AGO3: variants seen among roughly 807,000 people sequenced by gnomAD.
AGO3 encodes argonaute RISC catalytic component 3.
A neutral mutation model predicts 105.5 loss-of-function variants in AGO3; 16 were observed. The observed-to-expected ratio is 0.15, with a 90% CI of 0.10 to 0.23. The LOEUF (loss-of-function observed/expected upper bound fraction) is 0.23, where lower values mean the gene tolerates loss of function less well. AGO3 is among the 10% of genes least tolerant of loss of function. The probability of loss-of-function intolerance (pLI) is 1.00; values close to 1 mark genes in which losing one functional copy is unlikely to be tolerated. For missense variants in AGO3, 534 were observed against 1,088.0 expected (o/e 0.49, Z 7.16); for synonymous variants, 340 against 367.3 (o/e 0.93, Z 0.85).
chr1:36,036,306 G>C lies in AGO3; in HGVS notation c.1842+39G>C, dbSNP rs762014510. ...AGGTTTATCTTACCTAAGGTTGACA[G>C]ACCAGTATCAATTTTGCAGTTTCAA... On this transcript the variant is annotated intron_variant, in intron 14 of 18. Coordinates refer to ENST00000373191, the MANE Select transcript of AGO3 (RefSeq NM_024852.4). 4.5e-6 allele frequency: 7 copies of C among 1,562,764 alleles called. No homozygotes were observed. In the Admixed American group the frequency reaches 8.8e-5, roughly 20 times the overall value.
In AGO3 at chr1:35,973,512, G is replaced by A. The variant is rs2148776142; in HGVS notation, c.658+1G>A. 1 of 1,571,544 alleles carries A rather than the reference G, an allele frequency of 6.4e-7. No individual in the cohort carries two copies. The highest frequency in any genetic ancestry group is 8.7e-7 in the Non-Finnish European group (1 of 1,154,186). On this transcript the variant is annotated splice_donor_variant, in intron 5 of 18. Coordinates refer to ENST00000373191, the MANE Select transcript of AGO3 (RefSeq NM_024852.4). LOFTEE classifies it high-confidence loss of function. ...TGGAAAATGATGCTTAATATCGATGGTAAGGGAACTAAAGCCATATTCTGT... is the reference window on the plus strand; with the variant it reads ...TGGAAAATGATGCTTAATATCGATGATAAGGGAACTAAAGCCATATTCTGT...
chr1:36,029,722 TC>T lies in AGO3; in HGVS notation c.1591+2427del, dbSNP rs1266205200. 2.9e-5 allele frequency among the ~76,000 whole-genome samples: 4 copies of T among 139,646 alleles called. No homozygotes were observed. In the East Asian group the frequency reaches 9.8e-4, roughly 34 times the overall value. The allele number at this position is 139,646 out of a possible 152,430, so 91.6% of individuals were successfully genotyped here. A position where few individuals can be genotyped will look rare whatever the true frequency, so the allele number is the denominator to read the frequency against. On this transcript the variant is annotated intron_variant, in intron 12 of 18. Transcript: ENST00000373191. Reference sequence around the variant, plus strand: ...TTTTTTTTTTTTTTGAGACAGAGTCTCCCTCTGTTGCCCAGGCTGGAGTGCA... The same window carrying T: ...TTTTTTTTTTTTTTGAGACAGAGTCTCCTCTGTTGCCCAGGCTGGAGTGCA...
rs1390938267 is a variant in AGO3, at chr1:36,057,907, G to A, written c.*2162G>A. On this transcript the variant is annotated 3_prime_UTR_variant, in exon 19 of 19. Coordinates refer to ENST00000373191, the MANE Select transcript of AGO3 (RefSeq NM_024852.4). ...CAGGATTGCTTGAACCTAGGAGGCG[G>A]AAGTTACAGTGAGCCAAGACTGCAC... 6.6e-6 allele frequency: 1 copy of A among 152,012 alleles called. No individual in the cohort carries two copies. The highest frequency in any genetic ancestry group is 6.6e-5 in the Admixed American group (1 of 15,256). The allele number at this position is 152,012 out of a possible 1,614,324, so 9.4% of individuals were successfully genotyped here. A position where few individuals can be genotyped will look rare whatever the true frequency, so the allele number is the denominator to read the frequency against.
intron 11 of AGO3, among the ~76,000 whole-genome samples, chr1:36,023,590 G>A (rs1270813482): frequency 6.6e-6 from 1 of 152,176 alleles, no homozygotes; most frequent in Non-Finnish European, 1.5e-5. Context: ...TGCCTTATTT[G>A]AACATGGTTT....
chr1:36,001,053 C>T (rs973015562), intron 5 of AGO3, among the ~76,000 whole-genome samples: 3 of 151,840 alleles, frequency 2.0e-5, no homozygotes, highest in Non-Finnish European at 4.4e-5. Context: ...CTGGCCAACA[C>T]GGTGAAACCC....
intron 1 of AGO3, among the ~76,000 whole-genome samples, chr1:35,941,135 A>G (rs1276563743): frequency 6.6e-6 from 1 of 152,120 alleles, no homozygotes; most frequent in Non-Finnish European, 1.5e-5. Context: ...AGTCTTTCCT[A>G]TCTCAGTAAA....
chr1:35,999,537 A>T (rs1639989870), intron 5 of AGO3, among the ~76,000 whole-genome samples: 1 of 152,122 alleles, frequency 6.6e-6, no homozygotes, highest in Non-Finnish European at 1.5e-5. Context: ...CTTCTATAGT[A>T]TCTTTCAATA....
At chr1:36,041,072 CAAA>C (rs35842002) in intron 16 of AGO3, among the ~76,000 whole-genome samples, 1 of 33,212 alleles carries the variant, frequency 3.0e-5, no homozygotes, top group Non-Finnish European at 6.8e-5. Flanking sequence ...AACTCCATCT[CAAA>C]AAAAAAAAAA....
chr1:35,955,015 G>A (rs1265627209), intron 2 of AGO3, among the ~76,000 whole-genome samples: 2 of 152,192 alleles, frequency 1.3e-5, no homozygotes, highest in Non-Finnish European at 2.9e-5. Context: ...GCAAAGGTAT[G>A]ACATGTTGGT....
At chr1:35,963,030 TAGG>T (rs1489294663) in intron 2 of AGO3, among the ~76,000 whole-genome samples, 2 of 152,096 alleles carry the variant, frequency 1.3e-5, no homozygotes, top group Admixed American at 6.6e-5. Context: ...CGCAGGGAAA[TAGG>T]AGCCTCAAGG....
At position 36,027,541 on chromosome 1, in the gene AGO3, G is replaced by A. The variant is rs574031700; in HGVS notation, c.1591+243G>A. 2.8e-4 allele frequency among the ~76,000 whole-genome samples: 43 copies of A among 152,214 alleles called. No individual in the cohort carries two copies. Among genetic ancestry groups the A allele is most frequent in the Non-Finnish European group, 3.7e-4 (25 of 68,030 alleles). ...GCCTGTAATCCCAGCACTTTGGGAG[G>A]CCGAGGCGGGTGGATCACCTGAGGT... is the stretch of plus-strand genomic sequence containing the variant. On this transcript the variant is annotated intron_variant, in intron 12 of 18. Transcript: ENST00000373191. The surrounding 1 kb of genome is among the most constrained non-coding windows in gnomAD (Gnocchi z 4.0).
At chr1:35,975,979 G>T (rs188888196) in intron 5 of AGO3, among the ~76,000 whole-genome samples, 2 of 144,078 alleles carry the variant, frequency 1.4e-5, no homozygotes, top group Admixed American at 1.4e-4. Context: ...ACAGAGTTTC[G>T]CTCTGGAGTA....
At chr1:35,967,254 A>ACT (rs1306465658) in intron 3 of AGO3, among the ~76,000 whole-genome samples, 179 bp downstream of exon 3, 1 of 151,936 alleles carries the variant, frequency 6.6e-6, no homozygotes, top group Non-Finnish European at 1.5e-5. Flanking sequence ...CATGCAGAGA[A>ACT]CTCTCATACA....
chr1:36,029,343 G>T (rs922344502), intron 12 of AGO3, among the ~76,000 whole-genome samples: 9 of 149,438 alleles, frequency 6.0e-5, no homozygotes, highest in Admixed American at 4.0e-4. Flanking sequence ...AAAGAAAATT[G>T]TCAGATTTGA....
intron 5 of AGO3, among the ~76,000 whole-genome samples, chr1:35,980,964 T>C (rs184093759): frequency 1.3e-5 from 2 of 152,280 alleles, no homozygotes; most frequent in Admixed American, 1.3e-4. Flanking sequence ...TGCATTTTAG[T>C]CTTCATCTTT....
intron 17 of AGO3, among the ~76,000 whole-genome samples, chr1:36,047,783 G>A (rs1468953555): frequency 6.6e-6 from 1 of 152,052 alleles, no homozygotes; most frequent in Non-Finnish European, 1.5e-5. Flanking sequence ...CGGGACTGAG[G>A]CAGGAGGATC....
At position 36,061,950 on chromosome 1, in the gene AGO3, G is replaced by A. The variant is rs909825083; in HGVS notation, c.*6205G>A. ...AGCTTTTATGCAGTAAAGTATCTAG[G>A]TAAATGCTCACCAAATTTATTTTGT... On this transcript the variant is annotated 3_prime_UTR_variant, in exon 19 of 19. Transcript: ENST00000373191. The A allele has an allele frequency of 6.6e-6, 1 of 152,078 alleles. No homozygotes were observed. Among genetic ancestry groups the A allele is most frequent in the Admixed American group, 6.6e-5 (1 of 15,266 alleles). The allele number at this position is 152,078 out of a possible 1,614,324, so 9.4% of individuals were successfully genotyped here. A position where few individuals can be genotyped will look rare whatever the true frequency, so the allele number is the denominator to read the frequency against.
intron 5 of AGO3, 48 bp from the exon 6 acceptor site, chr1:36,004,293 A>AT (rs1025355649): frequency 9.0e-6 from 14 of 1,563,236 alleles, no homozygotes; most frequent in Non-Finnish European, 1.2e-5. Flanking sequence ...AAGTTTCTGA[A>AT]TTTTTTAGGG....
chr1:35,974,157 A>G (rs1369271824), intron 5 of AGO3, among the ~76,000 whole-genome samples: 1 of 152,190 alleles, frequency 6.6e-6, no homozygotes, highest in African/African-American at 2.4e-5. Context: ...TATAGCAGCA[A>G]TGGCATTATC....
Sources: allele counts gnomAD v4.1 joint callset (sites outside exome capture counted in the v4.1 genomes callset), GRCh38; gene constraint gnomAD v4.1.1; non-coding constraint Gnocchi (gnomAD v3.1); transcripts MANE v1.5; gene names NCBI Gene and HGNC (gene_info 2026-07-23, HGNC 2026-07-21).